Variants in ALDH18A1 observed in about 807,000 individuals in gnomAD.
ALDH18A1 encodes delta-1-pyrroline-5-carboxylate synthase.
In ALDH18A1, 44 loss-of-function variants were observed where a neutral mutation model predicts 88.8. The observed-to-expected ratio is 0.50, with a 90% CI of 0.39 to 0.64. ALDH18A1 has a LOEUF of 0.64. ALDH18A1 is among the 30% of genes least tolerant of loss of function. ALDH18A1 has a pLI of 0.00. For synonymous variants in ALDH18A1, 331 were observed against 372.1 expected (o/e 0.89, Z 1.27); for missense variants, 782 against 1,009.5 (o/e 0.77, Z 3.05).
intron 2 of ALDH18A1, among the ~76,000 whole-genome samples, chr10:95,649,265 C>T (rs558793402): frequency 5.7e-4 from 87 of 152,094 alleles, no homozygotes; most frequent in African/African-American, 1.9e-3. Flanking sequence ...CCTGTAATTC[C>T]TGCAGGTTGG....
intron 11 of ALDH18A1, among the ~76,000 whole-genome samples, chr10:95,624,668 T>C (rs141313042): frequency 1.3e-5 from 2 of 152,194 alleles, no homozygotes; most frequent in Non-Finnish European, 2.9e-5. Flanking sequence ...ACTCTCTACA[T>C]GTCTAGGTGT....
intron 3 of ALDH18A1, among the ~76,000 whole-genome samples, chr10:95,638,186 C>A (rs953878018): frequency 1.3e-5 from 2 of 151,978 alleles, no homozygotes; most frequent in Non-Finnish European, 2.9e-5. Flanking sequence ...GCTAATTTTT[C>A]TTTTTTAACA....
At chr10:95,636,289 T>A (rs1274690541) in intron 5 of ALDH18A1, among the ~76,000 whole-genome samples, 2 of 152,246 alleles carry the variant, frequency 1.3e-5, no homozygotes, top group East Asian at 3.8e-4. Context: ...ACAGCTATTT[T>A]ACATCTTTAC....
At chr10:95,651,311 C>T (rs538718917) in intron 2 of ALDH18A1, among the ~76,000 whole-genome samples, 31 of 152,056 alleles carry the variant, frequency 2.0e-4, no homozygotes, top group Non-Finnish European at 3.5e-4. Flanking sequence ...AAAGAGTGAC[C>T]ACATCAAATG....
chr10:95,633,015 G>C lies in ALDH18A1; in HGVS notation c.752C>G (p.Ala251Gly). 1 of 1,614,156 alleles carries C rather than the reference G, an allele frequency of 6.2e-7. No individual in the cohort carries two copies. Among genetic ancestry groups the C allele is most frequent in the Non-Finnish European group, 8.5e-7 (1 of 1,180,000 alleles). ...ISVKDNDSLAARLAVEMKTDL... is the reference protein window; with the variant it reads ...ISVKDNDSLAGRLAVEMKTDL... ...AGTTTTCATTTCCACAGCCAGTCGGGCAGCCAGGCTATCATTATCTTTAAC... is the reference window on the plus strand; with the variant it reads ...AGTTTTCATTTCCACAGCCAGTCGGCCAGCCAGGCTATCATTATCTTTAAC... The change falls in exon 7 of 18, where the codon GCC becomes GGC. Residue 251 changes from alanine (A) to glycine (G), a missense_variant. Around this residue, in one of 3 missense-constraint regions of ALDH18A1, gnomAD observed 132 missense variants for 255.5 expected, o/e 0.52. Coordinates refer to ENST00000371224, the MANE Select transcript of ALDH18A1 (RefSeq NM_002860.4).
At chr10:95,615,296 G>T (rs1476538291) in intron 13 of ALDH18A1, among the ~76,000 whole-genome samples, 1 of 150,578 alleles carries the variant, frequency 6.6e-6, no homozygotes, top group Non-Finnish European at 1.5e-5. Flanking sequence ...CCAAGATTGT[G>T]CCACTGAATT....
chr10:95,636,230 C>T (rs1374518229), intron 5 of ALDH18A1, among the ~76,000 whole-genome samples: 1 of 152,110 alleles, frequency 6.6e-6, no homozygotes, highest in Non-Finnish European at 1.5e-5. Context: ...TGTAAAATAA[C>T]ATCTGTGCAT....
chr10:95,618,570 T>A (rs1420596389), intron 12 of ALDH18A1, among the ~76,000 whole-genome samples: 1 of 152,176 alleles, frequency 6.6e-6, no homozygotes, highest in East Asian at 1.9e-4. Context: ...TGCCTGGGCC[T>A]CCCAAAGTGC....
intron 3 of ALDH18A1, among the ~76,000 whole-genome samples, chr10:95,638,300 G>A (rs1402627052): frequency 6.6e-6 from 1 of 152,186 alleles, no homozygotes; most frequent in African/African-American, 2.4e-5. Context: ...TGGGATTACA[G>A]ACATGAGCCA....
In ALDH18A1 at chr10:95,606,402, G is replaced by C; in HGVS notation, c.*360C>G. 8.8e-7 allele frequency: 1 copy of C among 1,138,654 alleles called. No homozygotes were observed. The highest frequency in any genetic ancestry group is 1.1e-6 in the Non-Finnish European group (1 of 922,222). The allele number at this position is 1,138,654 out of a possible 1,614,324, so 70.5% of individuals were successfully genotyped here. On this transcript the variant is annotated 3_prime_UTR_variant, in exon 18 of 18. Coordinates refer to ENST00000371224, the MANE Select transcript of ALDH18A1 (RefSeq NM_002860.4). The stretch of plus-strand genomic sequence containing the variant: ...GATTTGTTAAGGATGACTGGCTCTA[G>C]TACCAACTAAATGCCAAGGGGGACT...
At position 95,621,110 on chromosome 10, in the gene ALDH18A1, T is replaced by A; in HGVS notation, c.1388A>T (p.Asn463Ile). 1.2e-6 allele frequency: 2 copies of A among 1,614,014 alleles called. No individual in the cohort carries two copies. Among genetic ancestry groups the A allele is most frequent in the Non-Finnish European group, 1.7e-6 (2 of 1,180,002 alleles). The part of the protein sequence containing the change: ...RVLRRTRIAK[N>I]LELEQVTVPI... ...GACAGTCACTTGTTCCAGTTCCAAG[T>A]TTTTGGCGATTCGGGTGCGGCGCAA... The change falls in exon 12 of 18, where the codon AAC becomes ATC. Residue 463 changes from asparagine (N) to isoleucine (I), a missense_variant. Physicochemically the swap from Asn to Ile is moderately radical, Grantham distance 149. Transcript: ENST00000371224.
chr10:95,622,981 A>G (rs1468708430), intron 11 of ALDH18A1, among the ~76,000 whole-genome samples: 1 of 152,096 alleles, frequency 6.6e-6, no homozygotes, highest in Non-Finnish European at 1.5e-5. Context: ...ACTGTGGTCA[A>G]TGTTGAGATT....
At position 95,643,154 on chromosome 10, in the gene ALDH18A1, CG is replaced by C; in HGVS notation, c.140del (p.Pro47ArgfsTer21). On this transcript the variant is annotated frameshift_variant, in exon 3 of 18. Transcript: ENST00000371224. LOFTEE classifies it high-confidence loss of function. ...IRHVRSWSNI[P>X]FITVPLSRTH... is the part of the protein sequence containing the mutation. ...TACGACTGAGGGGTACAGTGATAAA[CG>C]GGATGTTGCTCCAAGAACGAACATG... The C allele has an allele frequency of 1.2e-6, 2 of 1,614,186 alleles. No individual in the cohort carries two copies. Among genetic ancestry groups the C allele is most frequent in the Non-Finnish European group, 1.7e-6 (2 of 1,180,050 alleles).
chr10:95,641,641 G>T (rs1210317655), intron 3 of ALDH18A1, among the ~76,000 whole-genome samples: 2 of 151,776 alleles, frequency 1.3e-5, no homozygotes, highest in Non-Finnish European at 2.9e-5. Context: ...AGCCTACCAA[G>T]AAGTTAGAAC....
chr10:95,633,793 A>G, intron 5 of ALDH18A1, 144 bp from the exon 6 acceptor site: 1 of 594,088 alleles, frequency 1.7e-6, no homozygotes, highest in Non-Finnish European at 2.9e-6. Flanking sequence ...AAATACACAT[A>G]TCTGGGTGCT....
intron 8 of ALDH18A1, among the ~76,000 whole-genome samples, chr10:95,628,095 T>C (rs915123501): frequency 1.3e-5 from 2 of 152,226 alleles, no homozygotes; most frequent in African/African-American, 2.4e-5. Context: ...GAGAGATTTA[T>C]GAATTATGAA....
rs372599895 is a variant in ALDH18A1 at position 95,613,978 on chromosome 10, C to T, written c.1789G>A (p.Val597Ile). Residue 597 changes from valine to isoleucine, a missense_variant, in exon 14 of 18, where the codon GTC becomes ATC. Val to Ile is a conservative substitution (Grantham distance 29). Transcript: ENST00000371224. ...YVDSEASVDK[V>I]TRLVRDSKCE... ...CCATCCAGCTCACCTAGCCTGGTGA[C>T]CTTATCAACACTGGCCTCGGAATCC... 2.5e-6 allele frequency: 4 copies of T among 1,614,062 alleles called. No homozygotes were observed. In the African/African-American group the frequency reaches 4.0e-5, roughly 16 times the overall value.
chr10:95,637,971 AACAACAACAACAAC>A (rs1566032471), intron 3 of ALDH18A1, among the ~76,000 whole-genome samples: 1 of 15,706 alleles, frequency 6.4e-5, no homozygotes, highest in Non-Finnish European at 1.2e-4. Flanking sequence ...TCTCAAAAAC[AACAACAACAACAAC>A]AACAACAACA....
At position 95,631,762 on chromosome 10, in the gene ALDH18A1, A is replaced by C. The variant is rs988677906; in HGVS notation, c.808+1197T>G. Among the ~76,000 whole-genome samples the C allele has an allele frequency of 1.6e-3, 240 of 151,652 alleles. 3 individuals carry two copies. The East Asian group carries it at 0.041, about 26-fold the overall frequency. ...TGCCTCAAAAAAAAAAAAAAAAAAAAAAACAACTGAATAACAGCAATGATG... is the reference window on the plus strand; with the variant it reads ...TGCCTCAAAAAAAAAAAAAAAAAAACAAACAACTGAATAACAGCAATGATG... On this transcript the variant is annotated intron_variant, in intron 7 of 17. Transcript: ENST00000371224.
Sources: allele counts gnomAD v4.1 joint callset (sites outside exome capture counted in the v4.1 genomes callset), GRCh38; gene constraint gnomAD v4.1.1; regional missense constraint gnomAD v4.1.1; transcripts MANE v1.5; gene names NCBI Gene and HGNC (gene_info 2026-07-23, HGNC 2026-07-21).